The following PRKDC variants were observed in gnomAD, a reference collection of about 807,000 sequenced individuals.
PRKDC encodes DNA-dependent protein kinase catalytic subunit.
Under a neutral mutation model 486.9 loss-of-function variants are expected in PRKDC, and 82 were observed. That is an observed-to-expected ratio of 0.17 (90% CI 0.14 to 0.20). The LOEUF (loss-of-function observed/expected upper bound fraction) is 0.20, where lower values mean the gene tolerates loss of function less well. Among genes scored for constraint, PRKDC ranks in the 10% least tolerant of loss-of-function variants. PRKDC has a pLI of 1.00. For missense variants in PRKDC, 4,504 were observed against 5,038.2 expected (o/e 0.89, Z 3.21); for synonymous variants, 1,895 against 1,837.0 (o/e 1.03, Z -0.81).
chr8:47,920,868 T>C (rs751644045), intron 21 of PRKDC, among the ~76,000 whole-genome samples: 5 of 152,318 alleles, frequency 3.3e-5, no homozygotes, highest in South Asian at 4.1e-4. Context: ...TTGAGTGGCA[T>C]TAATTACATT....
chr8:47,839,597 C>T (rs2088098305), intron 55 of PRKDC, among the ~76,000 whole-genome samples: 4 of 152,194 alleles, frequency 2.6e-5, no homozygotes, highest in African/African-American at 9.6e-5. Context: ...GTTTTATAAG[C>T]ACAACACCAC....
chr8:47,918,235 T>C (rs2090018665), intron 22 of PRKDC, 42 bp downstream of exon 22: 5 of 1,306,382 alleles, frequency 3.8e-6, no homozygotes, highest in Non-Finnish European at 5.2e-6. Context: ...GAATCTGATC[T>C]CTGCATTATG....
intron 67 of PRKDC, among the ~76,000 whole-genome samples, chr8:47,818,422 A>G (rs897165182): frequency 1.3e-5 from 2 of 152,078 alleles, no homozygotes; most frequent in African/African-American, 4.8e-5. Context: ...TACTAAAAAT[A>G]CAAAAAATTA....
intron 64 of PRKDC, among the ~76,000 whole-genome samples, chr8:47,822,489 T>C (rs768357712): frequency 7.2e-5 from 11 of 152,080 alleles, no homozygotes; most frequent in African/African-American, 1.7e-4. Context: ...TTGCAGAGGA[T>C]TTTAAAACCT....
intron 26 of PRKDC, 61 bp downstream of exon 26, chr8:47,904,808 A>C: frequency 2.3e-6 from 3 of 1,289,382 alleles, no homozygotes; most frequent in Non-Finnish European, 3.3e-6. Context: ...TAAATAAATA[A>C]ACAAACATCA....
Position 47,877,836 on chromosome 8 carries a change from C to G in PRKDC, c.5251G>C (p.Glu1751Gln). Reference sequence around the variant, plus strand: ...AACAACATAGGGCTTTGAGATAATTCCAATGCATCTAGAAACTAGAAAAAA... The same window carrying G: ...AACAACATAGGGCTTTGAGATAATTGCAATGCATCTAGAAACTAGAAAAAA... ...DCMKKFLDAL[E>Q]LSQSPMLLEL... is the part of the protein sequence containing the mutation. The change falls in exon 40 of 86, where the codon GAA becomes CAA. Residue 1751 changes from glutamate (E) to glutamine (Q), a missense_variant. Transcript: ENST00000314191. 6.6e-7 allele frequency: 1 copy of G among 1,524,180 alleles called. No individual in the cohort carries two copies. The highest frequency in any genetic ancestry group is 8.8e-7 in the Non-Finnish European group (1 of 1,133,048). 94.4% of individuals were successfully genotyped at this position (1,524,180 alleles called of 1,614,324 possible). A position where few individuals can be genotyped will look rare whatever the true frequency, so the allele number is the denominator to read the frequency against.
intron 59 of PRKDC, among the ~76,000 whole-genome samples, chr8:47,832,179 C>T (rs1372238283): frequency 2.6e-5 from 4 of 152,350 alleles, no homozygotes; most frequent in East Asian, 1.9e-4. Flanking sequence ...TCTGAACCCC[C>T]GCCCAACTCG....
At chr8:47,888,991 C>G in intron 33 of PRKDC, 23 bp downstream of exon 33, 1 of 1,603,766 alleles carries the variant, frequency 6.2e-7, no homozygotes, top group Non-Finnish European at 8.5e-7. Context: ...CAACATGTCC[C>G]CGATTGTGAC....
intron 27 of PRKDC, among the ~76,000 whole-genome samples, chr8:47,900,897 C>T (rs1361715637): frequency 2.0e-5 from 3 of 151,150 alleles, no homozygotes; most frequent in Non-Finnish European, 4.4e-5. Context: ...AAAGGCTCAG[C>T]TGGGTGTGGT....
rs974360046 is a variant in PRKDC, at chr8:47,912,647, TAAG to T, written c.2782-88_2782-86del. On this transcript the variant is annotated intron_variant, in intron 24 of 85. Transcript: ENST00000314191. Reference sequence around the variant, plus strand: ...TTGAAATGTCACTCAATTTAGCCTTTAAGAAGAAAAATTTCATTGCACATAACT... The same window carrying T: ...TTGAAATGTCACTCAATTTAGCCTTTAAGAAAAATTTCATTGCACATAACT... 5 of 1,343,242 alleles carry T rather than the reference TAAG, an allele frequency of 3.7e-6. No individual in the cohort carries two copies. The African/African-American group carries it at 4.5e-5, about 12-fold the overall frequency. The allele number at this position is 1,343,242 out of a possible 1,614,324, so 83.2% of individuals were successfully genotyped here. A position where few individuals can be genotyped will look rare whatever the true frequency, so the allele number is the denominator to read the frequency against.
chr8:47,902,251 T>C (rs1166758050), intron 27 of PRKDC, among the ~76,000 whole-genome samples: 1 of 152,140 alleles, frequency 6.6e-6, no homozygotes, highest in Non-Finnish European at 1.5e-5. Flanking sequence ...ATATAAACCC[T>C]AGCAAGAGGC....
Position 47,918,383 on chromosome 8 carries a change from T to C in PRKDC, c.2420A>G (p.Asp807Gly). 1 of 1,556,270 alleles carries C rather than the reference T, an allele frequency of 6.4e-7. No individual in the cohort carries two copies. The highest frequency in any genetic ancestry group is 8.7e-7 in the Non-Finnish European group (1 of 1,148,542). ...CACTTCCCAGTTATTCTTGGTCTCA[T>C]CTATCAATAGTAAACGAAAATAAAT... ...DGYLKTSALS[D>G]ETKNNWEVSA... The change falls in exon 22 of 86, where the codon GAT (aspartate) becomes GGT (glycine). Residue 807 changes from aspartate to glycine, a missense_variant and splice_region_variant. This residue lies in a region of PRKDC where 1,969 missense variants were observed against 2,068.9 expected (regional missense o/e 0.95). Coordinates refer to ENST00000314191, the MANE Select transcript of PRKDC (RefSeq NM_006904.7).
intron 4 of PRKDC, among the ~76,000 whole-genome samples, chr8:47,955,436 T>C (rs1479733826): frequency 1.8e-5 from 2 of 112,044 alleles, no homozygotes; most frequent in African/African-American, 7.2e-5. Context: ...CACTCCAGCC[T>C]GGGCGACAGA....
intron 27 of PRKDC, among the ~76,000 whole-genome samples, 191 bp from the exon 28 acceptor site, chr8:47,900,658 G>T (rs537189303): frequency 6.6e-6 from 1 of 151,874 alleles, no homozygotes; most frequent in Non-Finnish European, 1.5e-5. Flanking sequence ...TCAGGAGATC[G>T]AGACCACAGT....
chr8:47,793,010 T>C (rs1424604673), intron 74 of PRKDC, among the ~76,000 whole-genome samples: 1 of 152,146 alleles, frequency 6.6e-6, no homozygotes. Flanking sequence ...GCCTCCTAAG[T>C]AGTTGGAAGT....
chr8:47,826,038 C>G (rs1377181788), intron 63 of PRKDC, among the ~76,000 whole-genome samples: 2 of 152,158 alleles, frequency 1.3e-5, no homozygotes, highest in Non-Finnish European at 2.9e-5. Flanking sequence ...ACAAGGATCC[C>G]CTCCCTTACT....
intron 68 of PRKDC, among the ~76,000 whole-genome samples, chr8:47,810,176 T>G (rs1014840965): frequency 3.3e-5 from 5 of 151,566 alleles, no homozygotes; most frequent in Non-Finnish European, 7.4e-5. Context: ...GCTACAGAAT[T>G]ATAAGCCAGC....
At position 47,890,383 on chromosome 8, in the gene PRKDC, A is replaced by G. The variant is rs773101957; in HGVS notation, c.3945T>C (p.Thr1315=). 25 of 1,611,308 alleles carry G rather than the reference A, an allele frequency of 1.6e-5. No individual in the cohort carries two copies. In the East Asian group the frequency reaches 5.6e-4, roughly 36 times the overall value. The change falls in exon 32 of 86, where the codon ACT becomes ACC. Residue 1315 remains threonine (T), a synonymous_variant. Transcript: ENST00000314191. The part of the protein sequence containing the change: ...DIIAAEKCFG[T]GAAGNRTSPQ... Reference sequence around the variant, plus strand: ...GGCTTGTTCTGTTACCTGCTGCCCCAGTGCCAAAGCACTTTTCTGCTGCTA... The same window carrying G: ...GGCTTGTTCTGTTACCTGCTGCCCCGGTGCCAAAGCACTTTTCTGCTGCTA...
At chr8:47,891,050 G>T (rs2089445848) in intron 31 of PRKDC, among the ~76,000 whole-genome samples, 1 of 152,126 alleles carries the variant, frequency 6.6e-6, no homozygotes, top group African/African-American at 2.4e-5. Context: ...CCTCAAACGG[G>T]CTTTGTCATA....
Sources: allele counts gnomAD v4.1 joint callset (sites outside exome capture counted in the v4.1 genomes callset), GRCh38; gene constraint gnomAD v4.1.1; regional missense constraint gnomAD v4.1.1; transcripts MANE v1.5; gene names NCBI Gene and HGNC (gene_info 2026-07-23, HGNC 2026-07-21).